Variants in CELF2 observed in about 807,000 individuals in gnomAD.
CELF2 encodes CUG triplet repeat RNA-binding protein 2.
CELF2 carries 8 observed loss-of-function variants against 62.6 expected under a neutral mutation model. The observed-to-expected ratio is 0.13, with a 90% confidence interval of 0.07 to 0.23. The LOEUF (loss-of-function observed/expected upper bound fraction) is 0.23. Ranked by LOEUF, CELF2 falls within the 10% of genes least tolerant of loss-of-function variation. The pLI is 1.00. For synonymous variants in CELF2, 258 were observed against 250.0 expected (o/e 1.03, Z -0.30); for missense variants, 333 against 671.0 (o/e 0.50, Z 5.56).
chr10:10,705,368 A>AG, the CELF2 span, among the ~76,000 whole-genome samples: 24 of 143,326 alleles, frequency 1.7e-4, no homozygotes, highest in African/African-American at 6.5e-4. Context: ...TTCCCTATTA[A>AG]AAAAAAAAAA....
Position 11,239,398 on chromosome 10 carries a change from C to G in CELF2, c.355-9755C>G, listed in dbSNP as rs565452060. The stretch of plus-strand genomic sequence containing the variant: ...AGCCTGTGGAGTTGAGCACTGCTGG[C>G]TGTATATATCCCAGGTGACCGAGAA... On this transcript the variant is annotated intron_variant, in intron 3 of 12. Coordinates refer to ENST00000633077, the MANE Select transcript of CELF2 (RefSeq NM_001326342.2). 2.0e-5 allele frequency among the ~76,000 whole-genome samples: 3 copies of G among 152,292 alleles called. No individual in the cohort carries two copies. The East Asian group carries it at 5.8e-4, about 29-fold the overall frequency.
At chr10:10,829,783 T>C (rs1469072570) in intron 1 of CELF2, among the ~76,000 whole-genome samples, 1 of 152,172 alleles carries the variant, frequency 6.6e-6, no homozygotes, top group Non-Finnish European at 1.5e-5. Flanking sequence ...ACACACACAG[T>C]GGCCTGGCTG....
chr10:10,620,861 T>A, the CELF2 span, among the ~76,000 whole-genome samples: 1 of 127,040 alleles, frequency 7.9e-6, no homozygotes, highest in Non-Finnish European at 1.6e-5. Context: ...GAGCTTGCAG[T>A]GAGACGAGAT....
the CELF2 span, among the ~76,000 whole-genome samples, chr10:10,746,113 T>A: frequency 6.6e-6 from 1 of 152,224 alleles, no homozygotes; most frequent in Non-Finnish European, 1.5e-5. Context: ...ACCATTCATC[T>A]AACACAGATC....
At chr10:11,107,381 C>A (rs2053793221) in intron 1 of CELF2, among the ~76,000 whole-genome samples, 1 of 152,116 alleles carries the variant, frequency 6.6e-6, no homozygotes, top group South Asian at 2.1e-4. Context: ...TTGTGAGCTT[C>A]TGGGAAGGAA....
intron 2 of CELF2, among the ~76,000 whole-genome samples, chr10:10,933,878 T>C (rs2135240466): frequency 6.6e-6 from 1 of 152,374 alleles, no homozygotes; most frequent in East Asian, 1.9e-4. Context: ...ATATCTTGGC[T>C]ATTGTGGATA....
At chr10:10,843,342 G>T (rs1334595816) in intron 1 of CELF2, among the ~76,000 whole-genome samples, 1 of 151,814 alleles carries the variant, frequency 6.6e-6, no homozygotes, top group Non-Finnish European at 1.5e-5. Flanking sequence ...CATGTATCAG[G>T]TTGAAATTGT....
At chr10:10,820,348 C>T (rs758015958) in intron 1 of CELF2, among the ~76,000 whole-genome samples, 1 of 152,214 alleles carries the variant, frequency 6.6e-6, no homozygotes, top group African/African-American at 2.4e-5. Context: ...GAATTCATTG[C>T]TCCAACTCTC....
chr10:10,730,909 T>C, the CELF2 span, among the ~76,000 whole-genome samples: 1 of 152,214 alleles, frequency 6.6e-6, no homozygotes, highest in African/African-American at 2.4e-5. Flanking sequence ...CAGAGTCTAC[T>C]GGGAGCTTGT....
At chr10:10,519,597 T>A in the CELF2 span, among the ~76,000 whole-genome samples, 1 of 152,236 alleles carries the variant, frequency 6.6e-6, no homozygotes, top group Non-Finnish European at 1.5e-5. Context: ...AATGTTCCTG[T>A]CGGGTTCCAT....
chr10:11,276,143 AT>A (rs763030896), intron 8 of CELF2, among the ~76,000 whole-genome samples: 14 of 147,654 alleles, frequency 9.5e-5, no homozygotes, highest in African/African-American at 2.0e-4. Context: ...GGGTTTGTTT[AT>A]TTTTTTTTTC....
Position 11,157,549 on chromosome 10 carries a change from ATTGGTTT to A in CELF2, c.75-7935_75-7929del, listed in dbSNP as rs2064770932. On this transcript the variant is annotated intron_variant, in intron 1 of 12. Transcript: ENST00000633077. The surrounding 1 kb of genome is among the most constrained non-coding windows in gnomAD (Gnocchi z 4.9). ...TGCTCTATTATAGGCCTTATACCAC[ATTGGTTT>A]TGGTTTTATGTTGTGTCCATGTCTG... 1.3e-5 allele frequency among the ~76,000 whole-genome samples: 2 copies of A among 152,048 alleles called. No homozygotes were observed. Among genetic ancestry groups the A allele is most frequent in the African/African-American group, 4.8e-5 (2 of 41,444 alleles).
intron 1 of CELF2, among the ~76,000 whole-genome samples, chr10:10,817,452 C>A (rs1249605577): frequency 1.3e-5 from 2 of 152,040 alleles, no homozygotes; most frequent in Non-Finnish European, 2.9e-5. Context: ...ATTAACCATC[C>A]CCAGCTTCCC....
At chr10:10,780,732 G>A in the CELF2 span, among the ~76,000 whole-genome samples, 2 of 152,172 alleles carry the variant, frequency 1.3e-5, no homozygotes, top group Non-Finnish European at 2.9e-5. Flanking sequence ...ACCTGCTTTG[G>A]CTTCCCAAAG....
Position 11,297,471 on chromosome 10 carries a change from G to T in CELF2, c.976+8919G>T, listed in dbSNP as rs2093315982. Reference sequence around the variant, plus strand: ...GAACAGAGGGACCAGGGGATGGAAAGGGAGCTTTCTGGGTAGCACAGTGTC... The same window carrying T: ...GAACAGAGGGACCAGGGGATGGAAATGGAGCTTTCTGGGTAGCACAGTGTC... On this transcript the variant is annotated intron_variant, in intron 9 of 12. Coordinates refer to ENST00000633077, the MANE Select transcript of CELF2 (RefSeq NM_001326342.2). The surrounding 1 kb of genome is among the most constrained non-coding windows in gnomAD (Gnocchi z 4.4). 6.6e-6 allele frequency among the ~76,000 whole-genome samples: 1 copy of T among 152,070 alleles called. No homozygotes were observed. The highest frequency in any genetic ancestry group is 1.5e-5 in the Non-Finnish European group (1 of 68,012).
the CELF2 span, among the ~76,000 whole-genome samples, chr10:10,668,460 A>G: frequency 6.6e-6 from 1 of 152,224 alleles, no homozygotes; most frequent in African/African-American, 2.4e-5. Flanking sequence ...TGAAAGGTAC[A>G]GTTCCATGGT....
At chr10:11,007,350 C>T (rs192097444) in intron 1 of CELF2, among the ~76,000 whole-genome samples, 49 of 151,920 alleles carry the variant, frequency 3.2e-4, no homozygotes, top group African/African-American at 1.1e-3. Flanking sequence ...AGAATTTGGA[C>T]GTGAATTTCA....
the CELF2 span, among the ~76,000 whole-genome samples, chr10:10,584,895 G>A: frequency 6.6e-6 from 1 of 152,158 alleles, no homozygotes; most frequent in Non-Finnish European, 1.5e-5. Context: ...CATGTGGCTG[G>A]AGGCTACGAT....
At chr10:11,049,420 G>A (rs1291883) in intron 1 of CELF2, among the ~76,000 whole-genome samples, 4,863 of 151,280 alleles carry the variant, frequency 0.032, 174 homozygotes, top group African/African-American at 0.095. Flanking sequence ...CCCTGTTTGC[G>A]TCTAATCATT....
Sources: allele counts gnomAD v4.1 joint callset (sites outside exome capture counted in the v4.1 genomes callset), GRCh38; gene constraint gnomAD v4.1.1; non-coding constraint Gnocchi (gnomAD v3.1); transcripts MANE v1.5; gene names NCBI Gene and HGNC (gene_info 2026-07-23, HGNC 2026-07-21).